The following KCNK2 variants were observed in gnomAD, a reference collection of about 807,000 sequenced individuals.
KCNK2 encodes potassium two pore domain channel subfamily K member 2.
In KCNK2, 21 loss-of-function variants were observed where a neutral mutation model predicts 40.5. That is an observed-to-expected ratio of 0.52 (90% CI 0.37 to 0.75). The LOEUF (loss-of-function observed/expected upper bound fraction) is 0.75. KCNK2 is among the 30% of genes least tolerant of loss of function. The pLI is 0.00. For missense variants in KCNK2, 399 were observed against 531.6 expected, an observed-to-expected ratio of 0.75 and a Z score of 2.45; for synonymous variants, 191 against 202.2, an observed-to-expected ratio of 0.94 and a Z score of 0.47.
At chr1:215,051,300 TGATAAA>T (rs1424036334) in intron 1 of KCNK2, among the ~76,000 whole-genome samples, 1 of 152,156 alleles carries the variant, frequency 6.6e-6, no homozygotes, top group Admixed American at 6.6e-5. Flanking sequence ...AAGCTAAAAT[TGATAAA>T]GATAAAGCAG....
chr1:215,092,419 T>C (rs950647044), intron 2 of KCNK2, among the ~76,000 whole-genome samples: 4 of 152,118 alleles, frequency 2.6e-5, no homozygotes, highest in Non-Finnish European at 5.9e-5. Context: ...TTGAGGAAGA[T>C]TGATGGGATG....
rs1045805154 is a variant in KCNK2 at position 215,058,120 on chromosome 1, G to C, written c.35-28248G>C. 3.9e-5 allele frequency among the ~76,000 whole-genome samples: 6 copies of C among 152,088 alleles called. 1 individual carries two copies. The South Asian group carries it at 1.2e-3, about 32-fold the overall frequency. The stretch of plus-strand genomic sequence containing the variant: ...AGAAATTTGTTTTTGAATGCTAGTG[G>C]ACCTAATTGAAGCTTTGCCTCAAGC... On this transcript the variant is annotated intron_variant, in intron 1 of 6. Coordinates refer to the KCNK2 transcript ENST00000391895.
intron 1 of KCNK2, among the ~76,000 whole-genome samples, chr1:215,077,665 C>T (rs1658993689): frequency 2.0e-5 from 3 of 151,924 alleles, no homozygotes; most frequent in African/African-American, 7.2e-5. Context: ...GATTACTGTC[C>T]ACCACCAAGC....
intron 1 of KCNK2, among the ~76,000 whole-genome samples, chr1:215,032,604 C>T (rs912859125): frequency 6.6e-6 from 1 of 152,050 alleles, no homozygotes; most frequent in Non-Finnish European, 1.5e-5. Context: ...TTTTGTTTGT[C>T]AGAAAAATAT....
chr1:215,018,781 A>G (rs558115350), intron 1 of KCNK2, among the ~76,000 whole-genome samples: 1 of 152,280 alleles, frequency 6.6e-6, no homozygotes, highest in Non-Finnish European at 1.5e-5. Context: ...TCTAAACATA[A>G]TGAGAACTTC....
chr1:215,024,488 A>G (rs112632936), intron 1 of KCNK2, among the ~76,000 whole-genome samples: 61 of 152,360 alleles, frequency 4.0e-4, no homozygotes, highest in African/African-American at 1.4e-3. Flanking sequence ...CATTGCTTTC[A>G]TACAAAAACA....
chr1:215,161,085 C>A (rs990193059), intron 3 of KCNK2, among the ~76,000 whole-genome samples: 31 of 152,174 alleles, frequency 2.0e-4, no homozygotes, highest in African/African-American at 7.5e-4. Context: ...CTATAAACAT[C>A]TTCCTCTTTA....
chr1:215,101,180 G>A (rs1299969987), intron 2 of KCNK2, among the ~76,000 whole-genome samples: 1 of 151,962 alleles, frequency 6.6e-6, no homozygotes, highest in Admixed American at 6.6e-5. Context: ...TGAGAGTTTT[G>A]TTCTCATGGA....
At chr1:215,222,586 A>G (rs1464848242) in intron 6 of KCNK2, among the ~76,000 whole-genome samples, 1 of 152,206 alleles carries the variant, frequency 6.6e-6, no homozygotes, top group African/African-American at 2.4e-5. Context: ...AATATATGTA[A>G]CATTAAGAAG....
At chr1:215,063,928 C>T (rs193062213) in intron 1 of KCNK2, among the ~76,000 whole-genome samples, 1 of 152,244 alleles carries the variant, frequency 6.6e-6, no homozygotes, top group East Asian at 1.9e-4. Flanking sequence ...GTAAAGGTCA[C>T]AGATAAAGTG....
chr1:215,204,447 G>A (rs977879352), intron 6 of KCNK2, among the ~76,000 whole-genome samples: 12 of 151,786 alleles, frequency 7.9e-5, no homozygotes, highest in African/African-American at 2.4e-4. Flanking sequence ...CTCTTTATAA[G>A]TAATTTCATT....
At chr1:215,042,780 A>T (rs988885902) in intron 1 of KCNK2, among the ~76,000 whole-genome samples, 2 of 152,102 alleles carry the variant, frequency 1.3e-5, no homozygotes, top group East Asian at 3.9e-4. Context: ...TAAAATCATG[A>T]CTTATCTTGC....
chr1:215,233,033 C>G (rs1214285826), intron 6 of KCNK2, among the ~76,000 whole-genome samples: 1 of 152,142 alleles, frequency 6.6e-6, no homozygotes, highest in Non-Finnish European at 1.5e-5. Context: ...TGGGAGTCCC[C>G]CCAAAACAGA....
chr1:215,056,724 G>A (rs1444412322), intron 1 of KCNK2, among the ~76,000 whole-genome samples: 2 of 143,872 alleles, frequency 1.4e-5, no homozygotes, highest in African/African-American at 2.6e-5. Context: ...CTGAAGTGTT[G>A]GGATTACAGG....
intron 2 of KCNK2, among the ~76,000 whole-genome samples, chr1:215,093,591 A>C (rs1466285774): frequency 9.5e-5 from 10 of 104,714 alleles, no homozygotes; most frequent in Admixed American, 1.5e-4. Context: ...ATACTATATA[A>C]TATATAATAT....
intron 3 of KCNK2, among the ~76,000 whole-genome samples, chr1:215,167,331 C>T (rs529828951): frequency 1.8e-4 from 12 of 67,372 alleles, no homozygotes; most frequent in Admixed American, 1.0e-3. Flanking sequence ...AAAGTAACAA[C>T]GACAAAAAAA....
rs148723200 is a variant in KCNK2 at position 215,105,344 on chromosome 1, G to A, written c.357+18666G>A. Among the ~76,000 whole-genome samples, 106 of 152,132 alleles carry A rather than the reference G, an allele frequency of 7.0e-4. 1 individual carries two copies. Among genetic ancestry groups the A allele is most frequent in the African/African-American group, 2.5e-3 (103 of 41,528 alleles). ...GGGAACATACGGTATTTGTCCTTAC[G>A]TGATTGGTTTACTTAGCGTAGTATT... On this transcript the variant is annotated intron_variant, in intron 2 of 6. Transcript: ENST00000444842.
intron 6 of KCNK2, among the ~76,000 whole-genome samples, chr1:215,228,987 A>C (rs1325976725): frequency 1.3e-5 from 2 of 151,256 alleles, no homozygotes; most frequent in Admixed American, 6.6e-5. Context: ...CGTGGGCTGC[A>C]TGCAGCCCAG....
chr1:215,038,983 G>C (rs757651824), intron 1 of KCNK2, among the ~76,000 whole-genome samples: 23 of 147,974 alleles, frequency 1.6e-4, no homozygotes, highest in Non-Finnish European at 2.4e-4. Context: ...ATTATGCTAT[G>C]AAAAAAAAAA....
Sources: allele counts gnomAD v4.1 joint callset (sites outside exome capture counted in the v4.1 genomes callset), GRCh38; gene constraint gnomAD v4.1.1; transcripts MANE v1.5; gene names NCBI Gene and HGNC (gene_info 2026-07-23, HGNC 2026-07-21).